The following DNAJC17 variants were observed in gnomAD, a reference collection of about 807,000 sequenced individuals.
The protein encoded by DNAJC17 is DnaJ heat shock protein family (Hsp40) member C17, also known as dnaJ homolog subfamily C member 17.
A neutral mutation model predicts 48.1 loss-of-function variants in DNAJC17; 35 were observed. That is an observed-to-expected ratio of 0.73 (90% CI 0.56 to 0.96). The LOEUF is 0.96. Among genes scored for constraint, DNAJC17 ranks in the 50% least tolerant of loss-of-function variants. The pLI is 0.00. For missense variants in DNAJC17, 355 were observed against 377.1 expected, an observed-to-expected ratio of 0.94 and a Z score of 0.48; for synonymous variants, 117 against 142.7, an observed-to-expected ratio of 0.82 and a Z score of 1.28.
At chr15:40,780,020 A>T in intron 1 of DNAJC17, 23 bp from the exon 2 acceptor site, 1 of 1,610,968 alleles carries the variant, frequency 6.2e-7, no homozygotes, top group Non-Finnish European at 8.5e-7. Context: ...GACAGAAGAC[A>T]TGGCCATTCA....
chr15:40,785,136 T>A (rs1889606860), intron 1 of DNAJC17, among the ~76,000 whole-genome samples: 1 of 152,048 alleles, frequency 6.6e-6, no homozygotes, highest in Admixed American at 6.6e-5. Flanking sequence ...ACAACATCTC[T>A]GAAAGAAAAG....
intron 9 of DNAJC17, 133 bp from the exon 10 acceptor site, chr15:40,773,970 G>A: frequency 1.3e-6 from 1 of 783,278 alleles, no homozygotes; most frequent in African/African-American, 1.8e-5. Context: ...CAGCCTTCAA[G>A]TGATGGGTGT....
chr15:40,776,568 G>T lies in DNAJC17; in HGVS notation c.355C>A (p.Arg119=). The change falls in exon 5 of 11, where the codon CGG becomes AGG. Residue 119 remains arginine (R), a synonymous_variant. Coordinates refer to ENST00000220496, the MANE Select transcript of DNAJC17 (RefSeq NM_018163.3). ...AQESEEEEES[R]STRTLEQEIE... Reference sequence around the variant, plus strand: ...TCTTGCTCTAGTGTCCTGGTGCTCCGGCTCTCCTCTTCCTCCTCACTCTCC... The same window carrying T: ...TCTTGCTCTAGTGTCCTGGTGCTCCTGCTCTCCTCTTCCTCCTCACTCTCC... 2.5e-6 allele frequency: 4 copies of T among 1,613,988 alleles called. No individual in the cohort carries two copies. The highest frequency in any genetic ancestry group is 3.4e-6 in the Non-Finnish European group (4 of 1,180,008).
chr15:40,788,488 A>C (rs1391824353), intron 1 of DNAJC17, among the ~76,000 whole-genome samples: 1 of 152,148 alleles, frequency 6.6e-6, no homozygotes, highest in Non-Finnish European at 1.5e-5. Flanking sequence ...TGAGGTCAGG[A>C]GATCGAGACC....
intron 2 of DNAJC17, 64 bp downstream of exon 2, chr15:40,779,864 A>G: frequency 1.3e-6 from 2 of 1,547,832 alleles, no homozygotes; most frequent in Non-Finnish European, 1.8e-6. Context: ...CAGAGCTTAC[A>G]TCGGGAAACA....
chr15:40,804,154 G>A (rs936561009), intron 1 of DNAJC17, among the ~76,000 whole-genome samples: 1 of 151,502 alleles, frequency 6.6e-6, no homozygotes, highest in East Asian at 2.0e-4. Flanking sequence ...TATAGAGAGA[G>A]AGACAGGCTC....
chr15:40,785,516 G>T (rs895485949), intron 1 of DNAJC17, among the ~76,000 whole-genome samples: 4 of 152,196 alleles, frequency 2.6e-5, no homozygotes, highest in African/African-American at 9.7e-5. Context: ...AGGGCTGCTG[G>T]AAGGATTAAA....
At chr15:40,806,529 A>C (rs886543436) in intron 1 of DNAJC17, among the ~76,000 whole-genome samples, 3 of 147,966 alleles carry the variant, frequency 2.0e-5, no homozygotes, top group African/African-American at 7.5e-5. Flanking sequence ...GTAGACACTA[A>C]TTTTCTTTCT....
At chr15:40,801,784 T>C (rs1890083465) in intron 1 of DNAJC17, among the ~76,000 whole-genome samples, 1 of 151,328 alleles carries the variant, frequency 6.6e-6, no homozygotes, top group African/African-American at 2.4e-5. Flanking sequence ...CTATTGAGTA[T>C]TTTATTAGAA....
At chr15:40,789,199 A>G (rs1464574694) in intron 1 of DNAJC17, among the ~76,000 whole-genome samples, 2 of 152,278 alleles carry the variant, frequency 1.3e-5, no homozygotes, top group South Asian at 2.1e-4. Flanking sequence ...GCCACCTAGA[A>G]CAGCTGGGAC....
At chr15:40,801,737 CAA>C (rs1048222450) in intron 1 of DNAJC17, among the ~76,000 whole-genome samples, 20 of 63,832 alleles carry the variant, frequency 3.1e-4, no homozygotes, top group East Asian at 4.8e-4. Flanking sequence ...GACTCCGTCT[CAA>C]AAAAAAAAAA....
At chr15:40,784,824 G>A (rs1010672044) in intron 1 of DNAJC17, among the ~76,000 whole-genome samples, 5 of 152,142 alleles carry the variant, frequency 3.3e-5, no homozygotes, top group East Asian at 3.8e-4. Context: ...TGGGCCGGGC[G>A]TGTTGGCTTA....
chr15:40,771,080 A>C, intron 10 of DNAJC17: 1 of 1,483,058 alleles, frequency 6.7e-7, no homozygotes, highest in Non-Finnish European at 9.1e-7. Flanking sequence ...CTGGGGATTA[A>C]GGAAAGGACA....
intron 1 of DNAJC17, among the ~76,000 whole-genome samples, chr15:40,795,893 AAAAAT>A (rs1292184603): frequency 3.3e-5 from 5 of 152,218 alleles, no homozygotes; most frequent in Non-Finnish European, 4.4e-5. Context: ...CTCTGTCTCA[AAAAAT>A]AAAATAAAAT....
In DNAJC17 at chr15:40,773,790, C is replaced by T; in HGVS notation, c.729G>A (p.Lys243=). ...NEVGLVDNPL[K]ISWLEGQPQD... is the part of the protein sequence containing the mutation. ...GGGGCTGTCCCTCCAACCAGGAAAT[C>T]TTCAGAGGGTTATCCACCAGGCCAA... Residue 243 remains lysine (K), a synonymous_variant, in exon 10 of 11, where the codon AAG becomes AAA. Coordinates refer to ENST00000220496, the MANE Select transcript of DNAJC17 (RefSeq NM_018163.3). 1 of 1,614,114 alleles carries T rather than the reference C, an allele frequency of 6.2e-7. No homozygotes were observed. The highest frequency in any genetic ancestry group is 8.5e-7 in the Non-Finnish European group (1 of 1,180,006).
chr15:40,802,439 G>C (rs1340066786), intron 1 of DNAJC17, among the ~76,000 whole-genome samples: 2 of 152,154 alleles, frequency 1.3e-5, no homozygotes, highest in Non-Finnish European at 2.9e-5. Context: ...GAAGTGCTGG[G>C]ATTACAGACA....
chr15:40,793,839 G>A (rs973655085), intron 1 of DNAJC17, among the ~76,000 whole-genome samples: 10 of 151,942 alleles, frequency 6.6e-5, no homozygotes, highest in Admixed American at 6.6e-4. Context: ...TTGCAGACGA[G>A]GAAACCAAGG....
chr15:40,793,045 A>AC (rs1464954142), intron 1 of DNAJC17, among the ~76,000 whole-genome samples: 2 of 151,858 alleles, frequency 1.3e-5, no homozygotes, highest in Non-Finnish European at 2.9e-5. Flanking sequence ...GGCACCCGCC[A>AC]CCACGCCTGG....
intron 1 of DNAJC17, among the ~76,000 whole-genome samples, chr15:40,791,166 T>C (rs1394786947): frequency 2.0e-5 from 3 of 152,152 alleles, no homozygotes; most frequent in Non-Finnish European, 4.4e-5. Flanking sequence ...AGGGAGACCC[T>C]GCCTCTAAAA....
Sources: gnomAD v4.1 joint callset for allele counts (sites outside exome capture counted in the v4.1 genomes callset) on GRCh38, gnomAD v4.1.1 for gene constraint, MANE v1.5 for transcripts, NCBI Gene and HGNC (gene_info 2026-07-23, HGNC 2026-07-21) for gene names.